GABRR1: variants seen among roughly 807,000 people sequenced by gnomAD.
The protein encoded by GABRR1 is gamma-aminobutyric acid type A receptor subunit rho1, also known as gamma-aminobutyric acid receptor subunit rho-1.
GABRR1 carries 59 observed loss-of-function variants against 55.5 expected under a neutral mutation model. The observed-to-expected ratio is 1.06, with a 90% confidence interval of 0.86 to 1.32. The LOEUF is 1.32. GABRR1 is among the 40% of genes most tolerant of loss of function. The probability of loss-of-function intolerance (pLI) is 0.00; values close to 1 mark genes in which losing one functional copy is unlikely to be tolerated. For synonymous variants in GABRR1, 213 were observed against 226.0 expected (o/e 0.94, Z 0.51); for missense variants, 602 against 619.1 (o/e 0.97, Z 0.29).
chr6:89,182,164 A>G (rs1771750508), intron 7 of GABRR1, 107 bp from the exon 8 acceptor site: 2 of 1,021,718 alleles, frequency 2.0e-6, no homozygotes, highest in African/African-American at 3.2e-5. Context: ...GACTCTTATC[A>G]TGTCTTTATA....
At chr6:89,190,045 CAAAA>C in intron 6 of GABRR1, 116 bp downstream of exon 6, 5 of 468,140 alleles carry the variant, frequency 1.1e-5, no homozygotes, top group Non-Finnish European at 1.8e-5. Flanking sequence ...GACTCCATCT[CAAAA>C]AAAAAAAAAA....
chr6:89,182,865 G>T (rs980696130), intron 7 of GABRR1, among the ~76,000 whole-genome samples: 1 of 151,940 alleles, frequency 6.6e-6, no homozygotes, highest in Non-Finnish European at 1.5e-5. Context: ...CACAGAATGA[G>T]ACCCTGTCTC....
chr6:89,197,468 T>G (rs539942814), intron 5 of GABRR1, among the ~76,000 whole-genome samples: 1 of 152,312 alleles, frequency 6.6e-6, no homozygotes, highest in East Asian at 1.9e-4. Flanking sequence ...AGGCCAGCGC[T>G]TCATGAGCAA....
intron 1 of GABRR1, among the ~76,000 whole-genome samples, chr6:89,229,406 G>T (rs1007896431): frequency 1.2e-4 from 18 of 149,376 alleles, no homozygotes; most frequent in Non-Finnish European, 1.9e-4. Flanking sequence ...GGTACCGGTT[G>T]TTCCTTTCCA....
upstream of GABRR1, among the ~76,000 whole-genome samples, chr6:89,221,626 A>G (rs145141273): frequency 2.8e-3 from 429 of 152,304 alleles, 1 homozygote; most frequent in African/African-American, 1.0e-2. Flanking sequence ...TTAAGCATCC[A>G]TGGATTTTGG....
At chr6:89,192,168 C>T (rs112851377) in intron 5 of GABRR1, among the ~76,000 whole-genome samples, 1,811 of 152,196 alleles carry the variant, frequency 0.012, 27 homozygotes, top group Non-Finnish European at 0.015. Context: ...TGTGGCTGGG[C>T]GGCTTCCTGC....
Position 89,181,850 on chromosome 6 carries a change from T to C in GABRR1, c.949+55A>G, listed in dbSNP as rs1252378877. Reference sequence around the variant, plus strand: ...AAAGAATGGTTTTATCTGGAAGGAATTGTTAATACCTATATTTGCAGATGC... The same window carrying C: ...AAAGAATGGTTTTATCTGGAAGGAACTGTTAATACCTATATTTGCAGATGC... On this transcript the variant is annotated intron_variant, in intron 8 of 9. Transcript: ENST00000454853. 4.3e-5 allele frequency: 64 copies of C among 1,489,760 alleles called. No individual in the cohort carries two copies. In the South Asian group the frequency reaches 7.6e-4, roughly 18 times the overall value. 92.3% of individuals were successfully genotyped at this position (1,489,760 alleles called of 1,614,324 possible).
chr6:89,193,785 C>T (rs998024754), intron 5 of GABRR1, among the ~76,000 whole-genome samples: 14 of 152,106 alleles, frequency 9.2e-5, no homozygotes, highest in African/African-American at 2.9e-4. Flanking sequence ...CATATCACGC[C>T]AAGATTTTCA....
intron 7 of GABRR1, 25 bp from the exon 8 acceptor site, chr6:89,182,082 A>G (rs1404374974): frequency 6.2e-7 from 1 of 1,612,696 alleles, no homozygotes; most frequent in Admixed American, 1.7e-5. Context: ...AATAAAAGAC[A>G]GTACACATCA....
At chr6:89,222,045 C>T (rs1773122317), upstream of GABRR1, among the ~76,000 whole-genome samples, 1 of 152,206 alleles carries the variant, frequency 6.6e-6, no homozygotes, top group South Asian at 2.1e-4. Context: ...TCTTTGTGTA[C>T]CTGGTTAAAG....
At chr6:89,212,641 C>T (rs570653148) in intron 1 of GABRR1, among the ~76,000 whole-genome samples, 2 of 147,992 alleles carry the variant, frequency 1.4e-5, no homozygotes, top group South Asian at 2.2e-4. Flanking sequence ...AGGAGAGGAC[C>T]GGCAGTAAGT....
intron 1 of GABRR1, among the ~76,000 whole-genome samples, chr6:89,214,496 T>A (rs899433237): frequency 6.6e-6 from 1 of 152,038 alleles, no homozygotes; most frequent in Non-Finnish European, 1.5e-5. Flanking sequence ...TTGTAAGGCA[T>A]ACACATCTGA....
At chr6:89,195,560 GA>G (rs768113956) in intron 5 of GABRR1, among the ~76,000 whole-genome samples, 11 of 151,678 alleles carry the variant, frequency 7.3e-5, no homozygotes, top group African/African-American at 2.7e-4. Context: ...AGTGCTCAAA[GA>G]AAAAAACTGT....
chr6:89,188,096 A>G (rs1203213165), intron 6 of GABRR1, among the ~76,000 whole-genome samples: 1 of 151,768 alleles, frequency 6.6e-6, no homozygotes, highest in Non-Finnish European at 1.5e-5. Flanking sequence ...AGCTCACTGC[A>G]GCCTGCAGCC....
chr6:89,201,856 G>A (rs1424160332), intron 2 of GABRR1, among the ~76,000 whole-genome samples: 1 of 152,084 alleles, frequency 6.6e-6, no homozygotes, highest in Non-Finnish European at 1.5e-5. Flanking sequence ...ATAGGGCCTG[G>A]TATTTTTAAA....
upstream of GABRR1, among the ~76,000 whole-genome samples, chr6:89,222,183 C>T (rs1191048803): frequency 6.6e-6 from 1 of 152,188 alleles, no homozygotes; most frequent in Admixed American, 6.5e-5. Flanking sequence ...ATAGTCACTC[C>T]TAACTGTAAG....
At chr6:89,197,574 C>T (rs999382099) in intron 5 of GABRR1, among the ~76,000 whole-genome samples, 3 of 152,162 alleles carry the variant, frequency 2.0e-5, no homozygotes, top group East Asian at 1.9e-4. Flanking sequence ...ATAAAGTAGC[C>T]GGGGGTCCCC....
At chr6:89,223,382 T>G (rs946815596) in intron 1 of GABRR1, among the ~76,000 whole-genome samples, 3 of 152,360 alleles carry the variant, frequency 2.0e-5, no homozygotes, top group South Asian at 4.1e-4. Flanking sequence ...CATTAATTCA[T>G]TCCTTTTTAT....
intron 3 of GABRR1, among the ~76,000 whole-genome samples, chr6:89,199,813 G>A (rs188066857): frequency 4.6e-5 from 7 of 152,282 alleles, no homozygotes; most frequent in Admixed American, 2.0e-4. Context: ...GTCTGGACAT[G>A]AGAAAGGCGT....
Sources: allele counts gnomAD v4.1 joint callset (sites outside exome capture counted in the v4.1 genomes callset), GRCh38; gene constraint gnomAD v4.1.1; transcripts MANE v1.5; gene names NCBI Gene and HGNC (gene_info 2026-07-23, HGNC 2026-07-21).